The following CTNNA3 variants were observed in gnomAD, a reference collection of about 807,000 sequenced individuals.
CTNNA3 encodes the protein catenin alpha 3, also known as catenin alpha-3.
In CTNNA3, 76 loss-of-function variants were observed where a neutral mutation model predicts 95.7. The observed-to-expected ratio is 0.79, with a 90% CI of 0.66 to 0.96. The LOEUF is 0.96. Ranked by LOEUF, CTNNA3 falls within the 40% of genes least tolerant of loss-of-function variation. The pLI, the probability that CTNNA3 is intolerant of heterozygous loss-of-function variation, is 0.00. For missense variants in CTNNA3, 1,191 were observed against 1,089.8 expected (o/e 1.09, Z -1.31); for synonymous variants, 431 against 374.4 (o/e 1.15, Z -1.74).
At chr10:67,589,768 C>T (rs550107096) in intron 3 of CTNNA3, among the ~76,000 whole-genome samples, 1 of 152,226 alleles carries the variant, frequency 6.6e-6, no homozygotes, top group African/African-American at 2.4e-5. Flanking sequence ...GAGAACCTTA[C>T]CCTCTGTGGG....
At chr10:66,582,673 T>C (rs189417586) in intron 10 of CTNNA3, among the ~76,000 whole-genome samples, 174 of 151,940 alleles carry the variant, frequency 1.1e-3, no homozygotes, top group African/African-American at 4.0e-3. Context: ...CCCTGTACTA[T>C]GTTGAATAGA....
chr10:67,413,427 A>G (rs568358719), intron 5 of CTNNA3, among the ~76,000 whole-genome samples: 54 of 152,260 alleles, frequency 3.5e-4, no homozygotes, highest in African/African-American at 1.3e-3. Flanking sequence ...CCAACTTTGG[A>G]GCACTGAGAT....
intron 10 of CTNNA3, among the ~76,000 whole-genome samples, chr10:66,571,381 T>G (rs896375948): frequency 1.3e-5 from 2 of 152,176 alleles, no homozygotes; most frequent in African/African-American, 4.8e-5. Flanking sequence ...ACCCATACTT[T>G]CATATAAATT....
intron 9 of CTNNA3, among the ~76,000 whole-genome samples, chr10:66,693,658 A>C (rs1847646725): frequency 6.6e-6 from 1 of 151,968 alleles, no homozygotes; most frequent in African/African-American, 2.4e-5. Context: ...CAGAATATAC[A>C]TTCTTTTCAG....
intron 10 of CTNNA3, among the ~76,000 whole-genome samples, chr10:66,538,432 G>A (rs1480233003): frequency 6.6e-6 from 1 of 152,064 alleles, no homozygotes; most frequent in African/African-American, 2.4e-5. Flanking sequence ...TTAGGTGCTG[G>A]TATATTTAGT....
intron 7 of CTNNA3, among the ~76,000 whole-genome samples, chr10:67,175,677 C>G (rs1340526044): frequency 6.6e-5 from 10 of 152,014 alleles, no homozygotes; most frequent in Admixed American, 3.9e-4. Flanking sequence ...TCTAATAATC[C>G]CCTATAGTCA....
At chr10:67,226,707 A>C (rs1864934387) in intron 5 of CTNNA3, among the ~76,000 whole-genome samples, 1 of 152,214 alleles carries the variant, frequency 6.6e-6, no homozygotes, top group Non-Finnish European at 1.5e-5. Flanking sequence ...CCACCACTAC[A>C]ACAACTGCTA....
intron 1 of CTNNA3, among the ~76,000 whole-genome samples, chr10:67,681,185 C>A (rs987256298): frequency 6.6e-6 from 1 of 151,976 alleles, no homozygotes; most frequent in Admixed American, 6.5e-5. Context: ...TAAAATTCAT[C>A]TAGAAATAAA....
upstream of CTNNA3, among the ~76,000 whole-genome samples, chr10:67,699,925 C>T (rs1841021980): frequency 6.6e-6 from 1 of 152,246 alleles, no homozygotes; most frequent in Non-Finnish European, 1.5e-5. Flanking sequence ...CACCCTAATA[C>T]TGCGCTTTTC....
chr10:65,934,258 G>A (rs897996308), intron 17 of CTNNA3, among the ~76,000 whole-genome samples: 2 of 152,074 alleles, frequency 1.3e-5, no homozygotes, highest in Non-Finnish European at 2.9e-5. Flanking sequence ...TGAAGACAAC[G>A]TAATCAGTCT....
At chr10:66,912,732 T>C (rs563314510) in intron 7 of CTNNA3, among the ~76,000 whole-genome samples, 20 of 152,016 alleles carry the variant, frequency 1.3e-4, no homozygotes, top group Admixed American at 1.3e-3. Flanking sequence ...TATTAGCAGG[T>C]TGGTCTAGGC....
chr10:66,893,760 A>G (rs1408960962), intron 7 of CTNNA3, among the ~76,000 whole-genome samples: 2 of 152,166 alleles, frequency 1.3e-5, no homozygotes, highest in African/African-American at 2.4e-5. Context: ...TACTCAAATT[A>G]TTCTGGCTAC....
At chr10:66,755,579 G>A (rs76042053) in intron 9 of CTNNA3, among the ~76,000 whole-genome samples, 2,815 of 152,136 alleles carry the variant, frequency 0.019, 70 homozygotes, top group African/African-American at 0.064. Context: ...TTATCAATAC[G>A]AAATATTGGC....
At chr10:67,114,202 A>G (rs551355370) in intron 7 of CTNNA3, among the ~76,000 whole-genome samples, 1 of 152,284 alleles carries the variant, frequency 6.6e-6, no homozygotes, top group South Asian at 2.1e-4. Context: ...TTTGAAAATT[A>G]AAGACTGAAT....
At chr10:66,977,258 G>A (rs1467971105) in intron 7 of CTNNA3, among the ~76,000 whole-genome samples, 2 of 152,038 alleles carry the variant, frequency 1.3e-5, no homozygotes, top group Admixed American at 6.6e-5. Context: ...CCAACATGGT[G>A]AAACCCCGTC....
intron 7 of CTNNA3, among the ~76,000 whole-genome samples, chr10:66,811,981 G>C (rs999710119): frequency 2.0e-5 from 3 of 152,232 alleles, no homozygotes; most frequent in Admixed American, 1.3e-4. Context: ...ATTCACATTT[G>C]AGCTCCTGCT....
chr10:67,457,392 A>G (rs1340114239), intron 5 of CTNNA3, among the ~76,000 whole-genome samples: 3 of 152,162 alleles, frequency 2.0e-5, no homozygotes, highest in African/African-American at 7.2e-5. Flanking sequence ...CACACTAAAT[A>G]GAGTGCAGGC....
At chr10:66,243,290 C>A (rs1294740133) in intron 13 of CTNNA3, among the ~76,000 whole-genome samples, 2 of 152,186 alleles carry the variant, frequency 1.3e-5, no homozygotes, top group Non-Finnish European at 2.9e-5. Context: ...GGAAAATCAA[C>A]ATTCTGTAGA....
chr10:66,335,838 C>T (rs573607161), intron 12 of CTNNA3, among the ~76,000 whole-genome samples: 21 of 152,210 alleles, frequency 1.4e-4, no homozygotes, highest in Middle Eastern at 6.8e-3. Flanking sequence ...GTGGAGTCTA[C>T]AGAGGCAGGC....
Sources: allele counts gnomAD v4.1 joint callset (sites outside exome capture counted in the v4.1 genomes callset), GRCh38; gene constraint gnomAD v4.1.1; transcripts MANE v1.5; gene names NCBI Gene and HGNC (gene_info 2026-07-23, HGNC 2026-07-21).